WIPF3: variants seen among roughly 807,000 people sequenced by gnomAD.
WIPF3 encodes the protein WAS/WASL-interacting protein family member 3.
A neutral mutation model predicts 38.9 loss-of-function variants in WIPF3; 33 were observed. That is an observed-to-expected ratio of 0.85 (90% CI 0.64 to 1.14). The LOEUF (loss-of-function observed/expected upper bound fraction) is 1.14. Ranked by LOEUF, WIPF3 falls within the 50% of genes most tolerant of loss-of-function variation. The probability of loss-of-function intolerance (pLI) is 0.00; values close to 1 mark genes in which losing one functional copy is unlikely to be tolerated. For missense variants in WIPF3, 711 were observed against 652.5 expected, an observed-to-expected ratio of 1.09 and a Z score of -0.98; for synonymous variants, 324 against 269.3, an observed-to-expected ratio of 1.20 and a Z score of -1.99.
At chr7:29,847,218 G>T (rs1016970420) in intron 2 of WIPF3, among the ~76,000 whole-genome samples, 1 of 152,140 alleles carries the variant, frequency 6.6e-6, no homozygotes, top group African/African-American at 2.4e-5. Context: ...ACCCGATCTT[G>T]GACCGACATG....
In WIPF3 at chr7:29,915,072, A is replaced by G. The variant is rs1259999772; in HGVS notation, c.*556A>G. On this transcript the variant is annotated 3_prime_UTR_variant, in exon 9 of 9. Transcript: ENST00000242140. Reference sequence around the variant, plus strand: ...ATGTCTCGCTTCCATTTTGCAGTACAGGGAATTTTTTTTTTTTTTTTTTTT... The same window carrying G: ...ATGTCTCGCTTCCATTTTGCAGTACGGGGAATTTTTTTTTTTTTTTTTTTT... The G allele has an allele frequency of 7.1e-6, 1 of 140,140 alleles. No homozygotes were observed. Among genetic ancestry groups the G allele is most frequent in the South Asian group, 2.2e-4 (1 of 4,472 alleles). The allele number at this position is 140,140 out of a possible 1,614,324, so 8.7% of individuals were successfully genotyped here.
At chr7:29,827,447 G>T (rs1357796666) in intron 1 of WIPF3, among the ~76,000 whole-genome samples, 2 of 152,150 alleles carry the variant, frequency 1.3e-5, no homozygotes, top group African/African-American at 2.4e-5. Flanking sequence ...TATAGCTTTA[G>T]AAACTTTACT....
In WIPF3 at chr7:29,884,137, G is replaced by A; in HGVS notation, c.643G>A (p.Val215Ile). ...GPLTKGNLPV[V>I]APPVPCAPPP... ...ACTGACCAAAGGGAACCTCCCGGTG[G>A]TTGCACCCCCCGTCCCCTGTGCGCC... Residue 215 changes from valine to isoleucine, a missense_variant, in exon 5 of 9, where the codon GTT (valine) becomes ATT (isoleucine). By Grantham distance (29) the Val-to-Ile change is conservative. Coordinates refer to ENST00000242140, the MANE Select transcript of WIPF3 (RefSeq NM_001080529.3). 6.5e-7 allele frequency: 1 copy of A among 1,532,272 alleles called. No homozygotes were observed. The highest frequency in any genetic ancestry group is 8.8e-7 in the Non-Finnish European group (1 of 1,137,616). 94.9% of individuals were successfully genotyped at this position (1,532,272 alleles called of 1,614,324 possible).
At chr7:29,817,529 C>T (rs1385312095) in intron 1 of WIPF3, among the ~76,000 whole-genome samples, 3 of 151,892 alleles carry the variant, frequency 2.0e-5, no homozygotes, top group African/African-American at 4.8e-5. Context: ...GCATGAGATC[C>T]TTACATTGTT....
intron 2 of WIPF3, among the ~76,000 whole-genome samples, chr7:29,873,815 C>T (rs1021586160): frequency 1.3e-5 from 2 of 152,172 alleles, no homozygotes; most frequent in Admixed American, 1.3e-4. Context: ...ATAACCCACA[C>T]AGTGGAGTCT....
At chr7:29,810,116 C>A (rs1784347731) in intron 1 of WIPF3, among the ~76,000 whole-genome samples, 1 of 152,308 alleles carries the variant, frequency 6.6e-6, no homozygotes, top group South Asian at 2.1e-4. Context: ...GACTAGCTAG[C>A]CCTGCCCGGG....
chr7:29,907,362 GGAGTGGT>G (rs1317818998), intron 8 of WIPF3, among the ~76,000 whole-genome samples: 1 of 152,164 alleles, frequency 6.6e-6, no homozygotes, highest in Non-Finnish European at 1.5e-5. Flanking sequence ...ACAACTAAAA[GGAGTGGT>G]GATGGAGCTG....
chr7:29,865,953 G>T (rs1785379701), intron 2 of WIPF3, among the ~76,000 whole-genome samples: 1 of 152,188 alleles, frequency 6.6e-6, no homozygotes, highest in Non-Finnish European at 1.5e-5. Flanking sequence ...GAGGTCAGGA[G>T]TTCAAGACCA....
intron 2 of WIPF3, among the ~76,000 whole-genome samples, chr7:29,868,796 C>A (rs139521472): frequency 2.4e-4 from 36 of 152,140 alleles, no homozygotes; most frequent in African/African-American, 8.7e-4. Flanking sequence ...TCAGTGAATC[C>A]TGTAGGCAAC....
chr7:29,808,924 T>G (rs923328948), intron 1 of WIPF3, among the ~76,000 whole-genome samples: 1 of 152,066 alleles, frequency 6.6e-6, no homozygotes, highest in Non-Finnish European at 1.5e-5. Flanking sequence ...GAGGGAAACA[T>G]AGAATTTTCA....
chr7:29,866,612 C>A (rs191365627), intron 2 of WIPF3, among the ~76,000 whole-genome samples: 1 of 152,388 alleles, frequency 6.6e-6, no homozygotes, highest in African/African-American at 2.4e-5. Flanking sequence ...TCATCAGGCT[C>A]TTCTCAGAGC....
chr7:29,884,606 G>A lies in WIPF3; in HGVS notation c.1099+13G>A, dbSNP rs1362464373. On this transcript the variant is annotated intron_variant, in intron 5 of 8. Coordinates refer to ENST00000242140, the MANE Select transcript of WIPF3 (RefSeq NM_001080529.3). ...CATGGCCGACCAGGTAAGGAGCGCT[G>A]CCTGGCCCAGTGCCCCTGGTGGAGT... 1.9e-6 allele frequency: 3 copies of A among 1,595,716 alleles called. No individual in the cohort carries two copies. In the South Asian group the frequency reaches 3.4e-5, roughly 18 times the overall value.
At chr7:29,891,166 GGA>G (rs1786011689) in intron 7 of WIPF3, among the ~76,000 whole-genome samples, 1 of 62,108 alleles carries the variant, frequency 1.6e-5, no homozygotes, top group Non-Finnish European at 3.7e-5. Flanking sequence ...GTGCTCAGGT[GGA>G]GGGGGCGCGG....
At chr7:29,857,119 C>A (rs866699585) in intron 2 of WIPF3, among the ~76,000 whole-genome samples, 1 of 152,080 alleles carries the variant, frequency 6.6e-6, no homozygotes, top group African/African-American at 2.4e-5. Context: ...AATGGCTGCC[C>A]TCCTTACCAG....
At chr7:29,873,727 CAG>C (rs1203816055) in intron 2 of WIPF3, among the ~76,000 whole-genome samples, 4 of 152,190 alleles carry the variant, frequency 2.6e-5, no homozygotes, top group African/African-American at 9.7e-5. Flanking sequence ...AAGTCCCTCT[CAG>C]GGGTTCAAAA....
chr7:29,848,647 A>T (rs527315757), intron 2 of WIPF3, among the ~76,000 whole-genome samples: 2 of 152,212 alleles, frequency 1.3e-5, no homozygotes, highest in Non-Finnish European at 2.9e-5. Flanking sequence ...AACTGTAGAT[A>T]ATTTTACAGC....
At position 29,916,578 on chromosome 7, in the gene WIPF3, T is replaced by G. The variant is rs895496721; in HGVS notation, c.*2062T>G. On this transcript the variant is annotated 3_prime_UTR_variant, in exon 9 of 9. Transcript: ENST00000242140. ...AATACAAAAAATTAGCCAGGCATGGTGGCTCACACCTGTAATCCCAGCAAC... is the reference window on the plus strand; with the variant it reads ...AATACAAAAAATTAGCCAGGCATGGGGGCTCACACCTGTAATCCCAGCAAC... The G allele has an allele frequency of 1.3e-5, 2 of 152,166 alleles. No individual in the cohort carries two copies. The highest frequency in any genetic ancestry group is 4.8e-5 in the African/African-American group (2 of 41,412). The allele number at this position is 152,166 out of a possible 1,614,324, so 9.4% of individuals were successfully genotyped here. A position where few individuals can be genotyped will look rare whatever the true frequency, so the allele number is the denominator to read the frequency against.
chr7:29,901,374 G>A (rs981758344), intron 7 of WIPF3, among the ~76,000 whole-genome samples: 38 of 131,460 alleles, frequency 2.9e-4, no homozygotes, highest in African/African-American at 9.1e-4. Context: ...CTCACTTCTA[G>A]CAGCAGTGAT....
At chr7:29,820,766 A>G (rs1029456306) in intron 1 of WIPF3, among the ~76,000 whole-genome samples, 16 of 152,182 alleles carry the variant, frequency 1.1e-4, no homozygotes, top group African/African-American at 3.6e-4. Flanking sequence ...TGCTTGACTT[A>G]TACTCCTGTG....
Sources: allele counts gnomAD v4.1 joint callset (sites outside exome capture counted in the v4.1 genomes callset), GRCh38; gene constraint gnomAD v4.1.1; transcripts MANE v1.5; gene names NCBI Gene and HGNC (gene_info 2026-07-23, HGNC 2026-07-21).